The following SLK variants were observed in gnomAD, a reference collection of about 807,000 sequenced individuals.
The protein encoded by SLK is STE20-like serine/threonine-protein kinase.
In SLK, 67 loss-of-function variants were observed where a neutral mutation model predicts 147.7. The ratio of observed to expected loss-of-function variants is 0.45; its 90% CI spans 0.37 to 0.56. The LOEUF is 0.56. SLK is among the 20% of genes least tolerant of loss of function. The pLI, the probability that SLK is intolerant of heterozygous loss-of-function variation, is 0.00. For synonymous variants in SLK, 441 were observed against 475.0 expected, an observed-to-expected ratio of 0.93 and a Z score of 0.93; for missense variants, 1,136 against 1,438.8, an observed-to-expected ratio of 0.79 and a Z score of 3.41.
At chr10:104,025,460 T>G in intron 18 of SLK, 114 bp from the exon 19 acceptor site, 2 of 1,005,772 alleles carry the variant, frequency 2.0e-6, no homozygotes, top group South Asian at 1.7e-5. Context: ...CGTGTCTTCT[T>G]GAGGATTATA....
rs1172472626 is a variant in SLK, at chr10:104,002,846, T to A, written c.1668T>A (p.Asp556Glu). The A allele has an allele frequency of 1.2e-6, 2 of 1,614,044 alleles. No homozygotes were observed. Among genetic ancestry groups the A allele is most frequent in the Non-Finnish European group, 8.5e-7 (1 of 1,179,964 alleles). Residue 556 changes from aspartate to glutamate, a missense_variant, in exon 9 of 19, where the codon GAT becomes GAA. By Grantham distance (45) the Asp-to-Glu change is conservative. Coordinates refer to ENST00000369755, the MANE Select transcript of SLK (RefSeq NM_014720.4). ...TGATAGGAACATGTGAGGCAGCAGA[T>A]GTGGCTCAGAAAGTGGATGAAGACA... Reference protein sequence around the residue: ...SDVIGTCEAADVAQKVDEDSA... With the variant: ...SDVIGTCEAAEVAQKVDEDSA...
At position 103,967,893 on chromosome 10, in the gene SLK, A is replaced by C; in HGVS notation, c.148A>C (p.Lys50Gln). ...CGACGGAGCCTTTGGGAAAGTGTAC[A>C]AGGTAAGAGGGGGAAAACGGGAAGT... ...LGDGAFGKVYKAQNKETSVLA... is the reference protein window; with the variant it reads ...LGDGAFGKVYQAQNKETSVLA... Residue 50 changes from lysine (K) to glutamine (Q), a missense_variant and splice_region_variant, in exon 1 of 19, where the codon AAG becomes CAG. Lys to Gln is a moderately conservative substitution (Grantham distance 53). Around this residue, in one of 6 missense-constraint regions of SLK, gnomAD observed 126 missense variants for 141.3 expected, o/e 0.89. Transcript: ENST00000369755. 2 of 1,574,290 alleles carry C rather than the reference A, an allele frequency of 1.3e-6. No homozygotes were observed. The highest frequency in any genetic ancestry group is 1.7e-6 in the Non-Finnish European group (2 of 1,158,122).
In SLK at chr10:103,993,098, A is replaced by G. The variant is rs1346374328; in HGVS notation, c.479A>G (p.Asn160Ser). 1 of 1,610,880 alleles carries G rather than the reference A, an allele frequency of 6.2e-7. No individual in the cohort carries two copies. The highest frequency in any genetic ancestry group is 1.7e-5 in the Admixed American group (1 of 59,788). ...ATCCACAGAGATCTGAAGGCTGGCA[A>G]CATTCTCTTTACCTTAGATGGAGAT... ...KIIHRDLKAG[N>S]ILFTLDGDIK... Residue 160 changes from asparagine to serine, a missense_variant, in exon 4 of 19, where the codon AAC (asparagine) becomes AGC (serine). Transcript: ENST00000369755.
At chr10:103,982,622 A>G (rs1471051858) in intron 1 of SLK, among the ~76,000 whole-genome samples, 3 of 152,188 alleles carry the variant, frequency 2.0e-5, no homozygotes, top group Non-Finnish European at 4.4e-5. Context: ...GATCCTCATT[A>G]TTTGCAGATT....
chr10:103,975,083 C>T (rs1469713378), intron 1 of SLK, among the ~76,000 whole-genome samples: 1 of 151,880 alleles, frequency 6.6e-6, no homozygotes, highest in African/African-American at 2.4e-5. Flanking sequence ...GGGAATTCCA[C>T]AGGGCTTGGG....
chr10:103,972,296 G>T (rs1208452613), intron 1 of SLK, among the ~76,000 whole-genome samples: 1 of 152,230 alleles, frequency 6.6e-6, no homozygotes, highest in African/African-American at 2.4e-5. Context: ...GGAATTGCTA[G>T]GTTATAGGGT....
In SLK at chr10:104,009,802, C is replaced by T. The variant is rs538152632; in HGVS notation, c.2785-1014C>T. ...ATTATGTATTTTTTTTTCCTTATTGCTAAACTTCTTGCATTTGGGGAGTCT... is the reference window on the plus strand; with the variant it reads ...ATTATGTATTTTTTTTTCCTTATTGTTAAACTTCTTGCATTTGGGGAGTCT... On this transcript the variant is annotated intron_variant, in intron 12 of 18. Transcript: ENST00000369755. Among the ~76,000 whole-genome samples the T allele has an allele frequency of 3.3e-5, 5 of 151,668 alleles. No individual in the cohort carries two copies. The East Asian group carries it at 9.7e-4, about 29-fold the overall frequency.
chr10:104,016,297 T>G (rs12250166), intron 13 of SLK, among the ~76,000 whole-genome samples: 3 of 151,270 alleles, frequency 2.0e-5, no homozygotes. Flanking sequence ...CCAGCCTGGG[T>G]GACAGAGCAA....
At chr10:103,980,215 A>G (rs1201279923) in intron 1 of SLK, among the ~76,000 whole-genome samples, 1 of 149,550 alleles carries the variant, frequency 6.7e-6, no homozygotes, top group Non-Finnish European at 1.5e-5. Flanking sequence ...GAGAATTGTT[A>G]GAGCAAAACA....
At chr10:103,981,076 T>C (rs1425242355) in intron 1 of SLK, among the ~76,000 whole-genome samples, 1 of 152,168 alleles carries the variant, frequency 6.6e-6, no homozygotes, top group Non-Finnish European at 1.5e-5. Context: ...TCTCTAATAT[T>C]AGTGACGTTG....
chr10:103,994,981 A>G (rs1377403291), intron 4 of SLK, among the ~76,000 whole-genome samples: 1 of 152,196 alleles, frequency 6.6e-6, no homozygotes, highest in South Asian at 2.1e-4. Context: ...TGTTGCATCT[A>G]TTGAGGCTTA....
intron 1 of SLK, among the ~76,000 whole-genome samples, chr10:103,973,428 T>G (rs1415063945): frequency 1.3e-5 from 2 of 152,246 alleles, no homozygotes; most frequent in South Asian, 2.1e-4. Flanking sequence ...TAAAATAAAT[T>G]TCTGCTGCTT....
chr10:103,999,383 C>A, intron 6 of SLK, 70 bp downstream of exon 6: 3 of 1,164,864 alleles, frequency 2.6e-6, no homozygotes, highest in Non-Finnish European at 3.6e-6. Context: ...ATGTTATATT[C>A]TCACAATTTT....
At position 104,020,603 on chromosome 10, in the gene SLK, A is replaced by G. The variant is rs1564664532; in HGVS notation, c.3437A>G (p.His1146Arg). The G allele has an allele frequency of 3.1e-6, 5 of 1,612,916 alleles. No homozygotes were observed. Among genetic ancestry groups the G allele is most frequent in the Admixed American group, 1.7e-5 (1 of 59,752 alleles). The change falls in exon 17 of 19, where the codon CAT becomes CGT. Residue 1146 changes from histidine to arginine, a missense_variant. His to Arg is a conservative substitution (Grantham distance 29). Transcript: ENST00000369755. ...TGTGAAGCCAATGTCCGCGAACTGC[A>G]TCAGCTGCAGGTCAGATACAGAAGC... ...LQCEANVREL[H>R]QLQNEKCHLL...
Position 103,992,000 on chromosome 10 carries a change from A to T in SLK, c.316-598A>T, listed in dbSNP as rs187018122. ...AAATGTTAATTAATCAAATAATCAC[A>T]ATAAATATAAAATTACAACTGTGGT... is the stretch of plus-strand genomic sequence containing the variant. On this transcript the variant is annotated intron_variant, in intron 2 of 18. Coordinates refer to ENST00000369755, the MANE Select transcript of SLK (RefSeq NM_014720.4). Among the ~76,000 whole-genome samples, 31 of 152,030 alleles carry T rather than the reference A, an allele frequency of 2.0e-4. No individual in the cohort carries two copies. In the Middle Eastern group the frequency reaches 0.014, roughly 67 times the overall value.
At position 104,019,821 on chromosome 10, in the gene SLK, A is replaced by T. The variant is rs1394141926; in HGVS notation, c.3220A>T (p.Ile1074Phe). The T allele has an allele frequency of 6.2e-7, 1 of 1,614,130 alleles. No homozygotes were observed. ...TCAAGAAAGAGCAAGACTGCCCAAG[A>T]TTCAGCGCAGTGAAGCCAAGACTCG... ...QTQERARLPKIQRSEAKTRMA... is the reference protein window; with the variant it reads ...QTQERARLPKFQRSEAKTRMA... The change falls in exon 16 of 19, where the codon ATT becomes TTT. Residue 1074 changes from isoleucine (I) to phenylalanine (F), a missense_variant. Ile to Phe is a conservative substitution (Grantham distance 21). Coordinates refer to ENST00000369755, the MANE Select transcript of SLK (RefSeq NM_014720.4).
In SLK at chr10:104,002,459, G is replaced by A. The variant is rs746988601; in HGVS notation, c.1281G>A (p.Arg427=). 18 of 1,613,328 alleles carry A rather than the reference G, an allele frequency of 1.1e-5. No homozygotes were observed. In the South Asian group the frequency reaches 1.4e-4, roughly 13 times the overall value. The part of the protein sequence containing the change: ...AVIKENEREK[R]PKLENLPDTE... ...TCAAGGAGAATGAAAGAGAGAAGAG[G>A]CCCAAGCTTGAAAATCTGCCTGACA... The change falls in exon 9 of 19, where the codon AGG becomes AGA. Residue 427 remains arginine, a synonymous_variant. Coordinates refer to ENST00000369755, the MANE Select transcript of SLK (RefSeq NM_014720.4).
intron 1 of SLK, among the ~76,000 whole-genome samples, chr10:103,988,556 C>G (rs1219040226): frequency 6.6e-6 from 1 of 152,146 alleles, no homozygotes; most frequent in Non-Finnish European, 1.5e-5. Flanking sequence ...GTTTCAACCT[C>G]CAGCAGAAAG....
chr10:103,971,468 G>A (rs774369819), intron 1 of SLK, among the ~76,000 whole-genome samples: 2 of 152,154 alleles, frequency 1.3e-5, no homozygotes, highest in African/African-American at 4.8e-5. Context: ...TAGAGACGGG[G>A]TTTCACCATG....
Sources: allele counts gnomAD v4.1 joint callset (sites outside exome capture counted in the v4.1 genomes callset), GRCh38; gene constraint gnomAD v4.1.1; regional missense constraint gnomAD v4.1.1; transcripts MANE v1.5; gene names NCBI Gene and HGNC (gene_info 2026-07-23, HGNC 2026-07-21).